Variants in LYRM4 observed in about 807,000 individuals in gnomAD.
The protein encoded by LYRM4 is LYR motif containing 4, also known as LYR motif-containing protein 4.
A neutral mutation model predicts 11.7 loss-of-function variants in LYRM4; 9 were observed. That is an observed-to-expected ratio of 0.77 (90% CI 0.46 to 1.34). The LOEUF is 1.34. LYRM4 is among the 40% of genes most tolerant of loss of function. LYRM4 has a pLI of 0.00. For missense variants in LYRM4, 133 were observed against 112.5 expected (o/e 1.18, Z -0.82); for synonymous variants, 42 against 40.4 (o/e 1.04, Z -0.15).
chr6:5,161,820 A>G lies in LYRM4; in HGVS notation c.208-52329T>C, dbSNP rs151141045. Among the ~76,000 whole-genome samples, 1,211 of 152,296 alleles carry G rather than the reference A, an allele frequency of 8.0e-3. 11 individuals are homozygous for G. The highest frequency in any genetic ancestry group is 0.026 in the African/African-American group (1,097 of 41,554). On this transcript the variant is annotated intron_variant, in intron 2 of 2. Coordinates refer to ENST00000330636, the MANE Select transcript of LYRM4 (RefSeq NM_020408.6). ...AGGAGAAGGAAAGACGAAGGGACAC[A>G]TGAACGATCTAGGCCTTTCTTGTTT...
At chr6:5,035,465 AGCAGCGG>A in the LYRM4 span, among the ~76,000 whole-genome samples, 1 of 150,290 alleles carries the variant, frequency 6.7e-6, no homozygotes, top group Non-Finnish European at 1.5e-5. Flanking sequence ...CGTGCATCGC[AGCAGCGG>A]GATCCGTCAC....
At chr6:5,113,992 T>C (rs1372074954) in intron 2 of LYRM4, among the ~76,000 whole-genome samples, 1 of 152,240 alleles carries the variant, frequency 6.6e-6, no homozygotes, top group East Asian at 1.9e-4. Flanking sequence ...ATTTTCCTTA[T>C]GGGGTCAGTG....
At chr6:5,219,690 G>C (rs1216596630) in intron 1 of LYRM4, among the ~76,000 whole-genome samples, 1 of 151,628 alleles carries the variant, frequency 6.6e-6, no homozygotes, top group Non-Finnish European at 1.5e-5. Flanking sequence ...GCCCTGCCCT[G>C]GTTTTTATCA....
chr6:5,107,059 C>T (rs73359293), downstream of LYRM4: 17,595 of 152,320 alleles, frequency 0.12, 1,184 homozygotes, highest in African/African-American at 0.18. Context: ...CAGATATACA[C>T]CTGAAAGGTG....
the LYRM4 span, among the ~76,000 whole-genome samples, chr6:5,036,642 C>G: frequency 6.6e-6 from 1 of 152,206 alleles, no homozygotes; most frequent in South Asian, 2.1e-4. Flanking sequence ...AAATTCAAAT[C>G]CCTCTGCAAA....
At chr6:5,192,762 G>GC (rs1760836018) in intron 2 of LYRM4, among the ~76,000 whole-genome samples, 1 of 152,164 alleles carries the variant, frequency 6.6e-6, no homozygotes, top group East Asian at 1.9e-4. Flanking sequence ...GCGGTGGCCC[G>GC]CGCCTGTAAT....
At chr6:5,182,269 T>C (rs1424688266) in intron 2 of LYRM4, among the ~76,000 whole-genome samples, 2 of 152,224 alleles carry the variant, frequency 1.3e-5, no homozygotes, top group Non-Finnish European at 2.9e-5. Context: ...AAACCAATGA[T>C]GTCAATATTT....
intron 2 of LYRM4, among the ~76,000 whole-genome samples, chr6:5,158,395 T>C (rs939072052): frequency 3.3e-5 from 5 of 151,864 alleles, no homozygotes; most frequent in Non-Finnish European, 4.4e-5. Flanking sequence ...CCAAAGCCCT[T>C]GCCACACACA....
At chr6:5,210,942 T>C (rs1243976766) in intron 2 of LYRM4, among the ~76,000 whole-genome samples, 4 of 152,228 alleles carry the variant, frequency 2.6e-5, no homozygotes, top group African/African-American at 9.6e-5. Context: ...ATTCTACCTT[T>C]TGGCTATTGT....
At chr6:5,067,592 T>G in the LYRM4 span, among the ~76,000 whole-genome samples, 4 of 152,226 alleles carry the variant, frequency 2.6e-5, no homozygotes, top group African/African-American at 9.6e-5. Context: ...TTACCACTTC[T>G]GCAGCCTCCT....
the LYRM4 span, among the ~76,000 whole-genome samples, chr6:5,071,558 GTGTATA>G: frequency 1.3e-5 from 2 of 151,874 alleles, no homozygotes; most frequent in South Asian, 2.1e-4. Flanking sequence ...GTGTGTGTGT[GTGTATA>G]TGTATATGTA....
At chr6:5,157,237 C>T (rs6917225) in intron 2 of LYRM4, among the ~76,000 whole-genome samples, 43,299 of 152,058 alleles carry the variant, frequency 0.28, 6,373 homozygotes, top group Middle Eastern at 0.36. Context: ...CCTAGTGTGG[C>T]GAAAGTTACC....
the LYRM4 span, chr6:5,085,685 C>G: frequency 6.5e-7 from 1 of 1,548,132 alleles, no homozygotes; most frequent in East Asian, 2.4e-5. Context: ...GAGGCCGCCC[C>G]CCAGGAGCAG....
intron 2 of LYRM4, among the ~76,000 whole-genome samples, chr6:5,134,704 T>G (rs193244727): frequency 1.5e-3 from 222 of 152,348 alleles, no homozygotes; most frequent in African/African-American, 5.1e-3. Flanking sequence ...AGATGGGTGA[T>G]GGATACACAG....
the LYRM4 span, chr6:5,085,736 C>T: frequency 1.9e-6 from 3 of 1,542,812 alleles, no homozygotes; most frequent in Non-Finnish European, 2.6e-6. Flanking sequence ...CGCGCGCGCT[C>T]CTTTTCCTTG....
intron 2 of LYRM4, among the ~76,000 whole-genome samples, chr6:5,144,490 A>G (rs1442916918): frequency 1.3e-5 from 2 of 151,856 alleles, no homozygotes; most frequent in African/African-American, 2.4e-5. Flanking sequence ...ACAAAAAATT[A>G]GCCGGGCATG....
At chr6:5,155,816 G>A (rs893790754) in intron 2 of LYRM4, among the ~76,000 whole-genome samples, 7 of 152,198 alleles carry the variant, frequency 4.6e-5, no homozygotes, top group African/African-American at 1.7e-4. Flanking sequence ...AAAGGAAAAA[G>A]CAAAGGTCTC....
chr6:5,259,967 C>A (rs774540828), intron 1 of LYRM4, among the ~76,000 whole-genome samples: 3 of 151,970 alleles, frequency 2.0e-5, no homozygotes, highest in Non-Finnish European at 4.4e-5. Flanking sequence ...AGTGGGGAGG[C>A]GTGAGAAAAA....
chr6:5,228,097 C>T (rs1028947792), intron 1 of LYRM4, among the ~76,000 whole-genome samples: 2 of 151,944 alleles, frequency 1.3e-5, no homozygotes, highest in African/African-American at 2.4e-5. Flanking sequence ...ACTTGTATAC[C>T]CATGTAAGAA....
Sources: gnomAD v4.1 joint callset for allele counts (sites outside exome capture counted in the v4.1 genomes callset) on GRCh38, gnomAD v4.1.1 for gene constraint, MANE v1.5 for transcripts, NCBI Gene and HGNC (gene_info 2026-07-23, HGNC 2026-07-21) for gene names.